TRHDE: variants seen among roughly 807,000 people sequenced by gnomAD.
TRHDE encodes thyrotropin releasing hormone degrading enzyme, also known as thyrotropin-releasing hormone-degrading ectoenzyme.
A neutral mutation model predicts 125.7 loss-of-function variants in TRHDE; 72 were observed. The ratio of observed to expected loss-of-function variants is 0.57; its 90% confidence interval spans 0.47 to 0.70. TRHDE has a LOEUF of 0.70. Ranked by LOEUF, TRHDE falls within the 30% of genes least tolerant of loss-of-function variation. The pLI is 0.00. For missense variants in TRHDE, 1,110 were observed against 1,327.1 expected, an observed-to-expected ratio of 0.84 and a Z score of 2.54; for synonymous variants, 509 against 509.1, an observed-to-expected ratio of 1.00 and a Z score of 0.00.
At chr12:72,393,490 C>T (rs926208837) in intron 3 of TRHDE, among the ~76,000 whole-genome samples, 1 of 152,228 alleles carries the variant, frequency 6.6e-6, no homozygotes, top group Non-Finnish European at 1.5e-5. Flanking sequence ...AGTGCATAAA[C>T]AAACAGTGAA....
At chr12:72,251,168 A>G (rs1878675843) in intron 2 of TRHDE, among the ~76,000 whole-genome samples, 1 of 151,968 alleles carries the variant, frequency 6.6e-6, no homozygotes. Context: ...TTGAGTGTGT[A>G]TATATGTTTA....
chr12:72,263,640 A>G (rs1460802638), intron 2 of TRHDE: 3 of 152,100 alleles, frequency 2.0e-5, no homozygotes, highest in Non-Finnish European at 2.9e-5. Context: ...ATTGGAAAGC[A>G]CAATACATTG....
In TRHDE at chr12:72,252,114, C is replaced by T. The variant is rs184468611; in HGVS notation, n.280-125881C>T. On this transcript the variant is annotated intron_variant and non_coding_transcript_variant, in intron 2 of 4. Transcript: ENST00000548156. ...CTTATATTTTTTATCCTCTTAACAG[C>T]ACATTTTCCATAAGTTTTTAATTTT... 5.3e-3 allele frequency among the ~76,000 whole-genome samples: 766 copies of T among 144,552 alleles called. 7 individuals carry two copies. Among genetic ancestry groups the T allele is most frequent in the African/African-American group, 0.018 (734 of 39,828 alleles). 94.8% of individuals were successfully genotyped at this position (144,552 alleles called of 152,430 possible).
chr12:72,385,972 G>A (rs1163409828), intron 3 of TRHDE, among the ~76,000 whole-genome samples: 1 of 152,236 alleles, frequency 6.6e-6, no homozygotes. Context: ...TGGAACCAGC[G>A]TTTATTGAGT....
intron 3 of TRHDE, among the ~76,000 whole-genome samples, chr12:72,448,920 A>G (rs1278010497): frequency 6.6e-6 from 1 of 151,952 alleles, no homozygotes; most frequent in Non-Finnish European, 1.5e-5. Flanking sequence ...CTTTGGGCTT[A>G]AAGTGTAAGT....
At chr12:72,493,087 G>A (rs554277000) in intron 5 of TRHDE, among the ~76,000 whole-genome samples, 173 of 151,948 alleles carry the variant, frequency 1.1e-3, no homozygotes, top group Non-Finnish European at 1.7e-3. Context: ...AGGGAGTCAG[G>A]AAACATATGT....
intron 3 of TRHDE, among the ~76,000 whole-genome samples, chr12:72,417,980 G>T (rs1873800645): frequency 6.6e-6 from 1 of 151,930 alleles, no homozygotes; most frequent in Non-Finnish European, 1.5e-5. Flanking sequence ...GATGTTTTGT[G>T]CTTTCAGATG....
intron 2 of TRHDE, among the ~76,000 whole-genome samples, chr12:72,373,911 T>C (rs1871743822): frequency 6.6e-6 from 1 of 152,168 alleles, no homozygotes; most frequent in South Asian, 2.1e-4. Context: ...TGGCTTCTAC[T>C]GTGAGGGGAG....
intron 5 of TRHDE, among the ~76,000 whole-genome samples, chr12:72,479,178 T>G (rs1187168935): frequency 6.6e-6 from 1 of 152,158 alleles, no homozygotes; most frequent in East Asian, 1.9e-4. Context: ...TTGAAGTATA[T>G]TAACTGATGT....
chr12:72,610,304 C>A (rs966019624), intron 12 of TRHDE, among the ~76,000 whole-genome samples: 1 of 152,116 alleles, frequency 6.6e-6, no homozygotes, highest in Non-Finnish European at 1.5e-5. Flanking sequence ...TTAAAACTTA[C>A]CTTCTCTGTT....
chr12:72,662,926 T>G, intron 18 of TRHDE, 126 bp from the exon 19 acceptor site: 1 of 917,514 alleles, frequency 1.1e-6, no homozygotes. Context: ...TCTTCTATAG[T>G]GGTCATGGCA....
intron 1 of TRHDE, among the ~76,000 whole-genome samples, chr12:72,096,855 T>C (rs977468575): frequency 6.6e-5 from 10 of 152,202 alleles, no homozygotes; most frequent in African/African-American, 2.4e-4. Flanking sequence ...TGATTTTCCT[T>C]TGTTGCTTTC....
intron 2 of TRHDE, among the ~76,000 whole-genome samples, chr12:72,162,664 T>C (rs1876661061): frequency 6.6e-6 from 1 of 152,216 alleles, no homozygotes; most frequent in Non-Finnish European, 1.5e-5. Flanking sequence ...AAGTGGATTC[T>C]GTTGTGTGCA....
chr12:72,414,693 A>G (rs1348934600), intron 3 of TRHDE, among the ~76,000 whole-genome samples: 2 of 152,100 alleles, frequency 1.3e-5, no homozygotes, highest in African/African-American at 4.8e-5. Flanking sequence ...AAAGGCTTTC[A>G]TTTGTATAGT....
chr12:72,235,393 T>G (rs1878321178), intron 2 of TRHDE, among the ~76,000 whole-genome samples: 1 of 152,136 alleles, frequency 6.6e-6, no homozygotes, highest in Non-Finnish European at 1.5e-5. Flanking sequence ...TTAAATAACT[T>G]GTACAAGGAA....
At position 72,303,861 on chromosome 12, in the gene TRHDE, A is replaced by C. The variant is rs182178258; in HGVS notation, c.1188+16907A>C. ...TGAGGGGTTCTTAAACTAAGGATCT[A>C]GGGGAAGGGACATTGGTGGATAATT... is the stretch of plus-strand genomic sequence containing the variant. On this transcript the variant is annotated intron_variant, in intron 2 of 18. Transcript: ENST00000261180. 4.4e-4 allele frequency among the ~76,000 whole-genome samples: 67 copies of C among 152,272 alleles called. No individual in the cohort carries two copies. In the East Asian group the frequency reaches 0.01, roughly 23 times the overall value.
intron 2 of TRHDE, among the ~76,000 whole-genome samples, chr12:72,317,861 G>A (rs892468182): frequency 6.6e-6 from 1 of 152,126 alleles, no homozygotes; most frequent in Admixed American, 6.6e-5. Flanking sequence ...GCTGTGGTAA[G>A]ACGTTCAAGA....
At chr12:72,167,182 C>T (rs1029001893) in intron 2 of TRHDE, among the ~76,000 whole-genome samples, 1 of 152,028 alleles carries the variant, frequency 6.6e-6, no homozygotes, top group East Asian at 1.9e-4. Context: ...TCCAGCCACT[C>T]CAGTGTTGGC....
chr12:72,208,214 A>G (rs917468285), intron 2 of TRHDE, among the ~76,000 whole-genome samples: 4 of 152,096 alleles, frequency 2.6e-5, no homozygotes, highest in East Asian at 3.9e-4. Context: ...ACACATTCAC[A>G]CACCCACATC....
Sources: gnomAD v4.1 joint callset for allele counts (sites outside exome capture counted in the v4.1 genomes callset) on GRCh38, gnomAD v4.1.1 for gene constraint, MANE v1.5 for transcripts, NCBI Gene and HGNC (gene_info 2026-07-23, HGNC 2026-07-21) for gene names.